TAFA5: variants seen among roughly 807,000 people sequenced by gnomAD.
TAFA5 encodes the protein TAFA chemokine like family member 5.
A neutral mutation model predicts 15.3 loss-of-function variants in TAFA5; 6 were observed. The observed-to-expected ratio is 0.39, with a 90% CI of 0.21 to 0.77. TAFA5 has a LOEUF of 0.77. TAFA5 is among the 30% of genes least tolerant of loss of function. TAFA5 has a pLI of 0.41. For synonymous variants in TAFA5, 103 were observed against 80.7 expected (o/e 1.28, Z -1.48); for missense variants, 161 against 193.1 (o/e 0.83, Z 0.98).
intron 3 of TAFA5, among the ~76,000 whole-genome samples, chr22:48,724,692 C>G (rs1350600906): frequency 6.6e-6 from 1 of 152,234 alleles, no homozygotes; most frequent in Non-Finnish European, 1.5e-5. Context: ...CCTCTGAGCC[C>G]CAGCTATGAC....
intron 2 of TAFA5, among the ~76,000 whole-genome samples, chr22:48,679,698 T>TCTCCCCGTCCATCCCTCTCCCGG (rs1569076232): frequency 2.0e-4 from 8 of 40,294 alleles, no homozygotes; most frequent in Admixed American, 7.5e-4. Context: ...CCCTCTCCCG[T>TCTCCCCGTCCATCCCTCTCCCGG]CTCCCCGTCC....
chr22:48,689,694 C>T (rs1173075832), intron 2 of TAFA5, among the ~76,000 whole-genome samples: 1 of 152,194 alleles, frequency 6.6e-6, no homozygotes, highest in Non-Finnish European at 1.5e-5. Flanking sequence ...CCACTCACCC[C>T]AGCTCCCTGG....
chr22:48,668,701 G>A (rs933369894), intron 2 of TAFA5, among the ~76,000 whole-genome samples: 4 of 151,276 alleles, frequency 2.6e-5, no homozygotes, highest in African/African-American at 4.9e-5. Flanking sequence ...ACTCGGGGCC[G>A]CGTTTTCACT....
intron 1 of TAFA5, among the ~76,000 whole-genome samples, chr22:48,644,265 G>A (rs912407852): frequency 1.3e-5 from 2 of 152,174 alleles, no homozygotes; most frequent in African/African-American, 2.4e-5. Flanking sequence ...TCGTGGGAGG[G>A]GCTTGCTGGT....
At chr22:48,501,906 G>A (rs1569160493) in intron 1 of TAFA5, among the ~76,000 whole-genome samples, 1 of 152,342 alleles carries the variant, frequency 6.6e-6, no homozygotes, top group East Asian at 1.9e-4. Flanking sequence ...GCAGAATGGA[G>A]GAGTTGCAGA....
chr22:48,577,354 G>A (rs972864002), intron 1 of TAFA5, among the ~76,000 whole-genome samples: 8 of 152,146 alleles, frequency 5.3e-5, no homozygotes, highest in African/African-American at 1.9e-4. Context: ...CTGGTTTCAG[G>A]GCCAGGCTCC....
intron 2 of TAFA5, among the ~76,000 whole-genome samples, chr22:48,692,294 T>TG (rs1928568376): frequency 1.3e-5 from 2 of 152,214 alleles, no homozygotes; most frequent in South Asian, 4.1e-4. Flanking sequence ...AGGGGTCCGC[T>TG]GCAGCCCTGG....
chr22:48,514,823 C>T (rs1275202496), intron 1 of TAFA5, among the ~76,000 whole-genome samples: 1 of 152,256 alleles, frequency 6.6e-6, no homozygotes, highest in Non-Finnish European at 1.5e-5. Context: ...GGAATGTTGA[C>T]GTGGTACTAA....
chr22:48,518,774 CT>C (rs1427693796), intron 1 of TAFA5, among the ~76,000 whole-genome samples: 1 of 152,226 alleles, frequency 6.6e-6, no homozygotes, highest in Non-Finnish European at 1.5e-5. Context: ...TTCCGGAGTG[CT>C]GTGCCCAGGG....
At chr22:48,511,846 C>T (rs549602689) in intron 1 of TAFA5, among the ~76,000 whole-genome samples, 331 of 152,360 alleles carry the variant, frequency 2.2e-3, no homozygotes, top group African/African-American at 7.3e-3. Context: ...GTGCGTCCCC[C>T]GAAGCCGAGG....
intron 2 of TAFA5, among the ~76,000 whole-genome samples, chr22:48,668,790 G>A (rs1002139726): frequency 3.9e-5 from 6 of 152,006 alleles, no homozygotes; most frequent in African/African-American, 1.2e-4. Flanking sequence ...GCCACAGGCC[G>A]CGATCTTGGG....
chr22:48,675,329 G>A (rs919287494), intron 2 of TAFA5, among the ~76,000 whole-genome samples: 15 of 152,204 alleles, frequency 9.9e-5, no homozygotes, highest in African/African-American at 2.4e-4. Flanking sequence ...TTCCTGTGGC[G>A]GGGCCCCCGT....
chr22:48,577,304 G>T (rs1569031903), intron 1 of TAFA5, among the ~76,000 whole-genome samples: 1 of 152,162 alleles, frequency 6.6e-6, no homozygotes, highest in Non-Finnish European at 1.5e-5. Flanking sequence ...ATGGGCGGTC[G>T]GTCGGCTCCA....
intron 1 of TAFA5, among the ~76,000 whole-genome samples, chr22:48,503,997 C>A (rs1387208661): frequency 6.6e-6 from 1 of 152,216 alleles, no homozygotes; most frequent in Non-Finnish European, 1.5e-5. Flanking sequence ...CAGGCTGGGA[C>A]CCTGCTCTCT....
chr22:48,589,211 G>A (rs1924470613), intron 1 of TAFA5, among the ~76,000 whole-genome samples: 1 of 152,242 alleles, frequency 6.6e-6, no homozygotes, highest in Admixed American at 6.5e-5. Flanking sequence ...AGTACCTGCT[G>A]TATGCCGGAC....
intron 1 of TAFA5, among the ~76,000 whole-genome samples, chr22:48,529,336 T>G (rs1921889644): frequency 1.0e-5 from 1 of 95,404 alleles, no homozygotes; most frequent in African/African-American, 4.2e-5. Context: ...GAGATGAGGG[T>G]GTCCAGGCAG....
Position 48,750,077 on chromosome 22 carries a change from G to A in TAFA5, c.*230G>A. 2 of 589,112 alleles carry A rather than the reference G, an allele frequency of 3.4e-6. No homozygotes were observed. Among genetic ancestry groups the A allele is most frequent in the South Asian group, 2.0e-5 (1 of 49,588 alleles). 36.5% of individuals were successfully genotyped at this position (589,112 alleles called of 1,614,324 possible). The stretch of plus-strand genomic sequence containing the variant: ...ACACATAGGCGGGGGGCGGCACCTG[G>A]CATCAGCAATACGCAGTCTGTGGGA... On this transcript the variant is annotated 3_prime_UTR_variant, in exon 4 of 4. Transcript: ENST00000402357.
intron 1 of TAFA5, among the ~76,000 whole-genome samples, chr22:48,516,985 C>T (rs1294226499): frequency 1.3e-5 from 2 of 152,214 alleles, no homozygotes; most frequent in East Asian, 1.9e-4. Context: ...ACAAAATCAA[C>T]CCTGTTGAAG....
At chr22:48,689,890 ACTAGCAAGG>A (rs1928483845) in intron 2 of TAFA5, among the ~76,000 whole-genome samples, 2 of 152,234 alleles carry the variant, frequency 1.3e-5, no homozygotes, top group East Asian at 3.9e-4. Context: ...TCCCTCAGTC[ACTAGCAAGG>A]TCCTTGCTGC....
Sources: gnomAD v4.1 joint callset for allele counts (sites outside exome capture counted in the v4.1 genomes callset) on GRCh38, gnomAD v4.1.1 for gene constraint, MANE v1.5 for transcripts, NCBI Gene and HGNC (gene_info 2026-07-23, HGNC 2026-07-21) for gene names.